LAPTM5: variants seen among roughly 807,000 people sequenced by gnomAD.
LAPTM5 encodes lysosomal-associated transmembrane protein 5.
In LAPTM5, 11 loss-of-function variants were observed where a neutral mutation model predicts 30.1. The ratio of observed to expected loss-of-function variants is 0.37; its 90% CI spans 0.23 to 0.60. LAPTM5 has a LOEUF of 0.60. Ranked by LOEUF, LAPTM5 falls within the 20% of genes least tolerant of loss-of-function variation. LAPTM5 has a pLI of 0.71. For missense variants in LAPTM5, 324 were observed against 332.5 expected, an observed-to-expected ratio of 0.97 and a Z score of 0.20; for synonymous variants, 151 against 137.9, an observed-to-expected ratio of 1.10 and a Z score of -0.67.
At chr1:30,744,252 G>C (rs1640013062) in intron 1 of LAPTM5, among the ~76,000 whole-genome samples, 1 of 152,134 alleles carries the variant, frequency 6.6e-6, no homozygotes, top group African/African-American at 2.4e-5. Flanking sequence ...CAGGTGTGGT[G>C]AGGGCTGTGG....
At chr1:30,743,377 G>A (rs1420058872) in intron 1 of LAPTM5, among the ~76,000 whole-genome samples, 1 of 152,220 alleles carries the variant, frequency 6.6e-6, no homozygotes, top group Non-Finnish European at 1.5e-5. Flanking sequence ...TGATGTGGAA[G>A]GGGCGAATCT....
In LAPTM5 at chr1:30,745,164, A is replaced by G. The variant is rs116468789; in HGVS notation, c.88-2615T>C. ...CATTTGTACAGCCTAACTCCATGCCACATGATCTTCCCCACTACCCAGAAA... is the reference window on the plus strand; with the variant it reads ...CATTTGTACAGCCTAACTCCATGCCGCATGATCTTCCCCACTACCCAGAAA... On this transcript the variant is annotated intron_variant, in intron 1 of 7. Coordinates refer to ENST00000294507, the MANE Select transcript of LAPTM5 (RefSeq NM_006762.3). 6.7e-3 allele frequency among the ~76,000 whole-genome samples: 1,018 copies of G among 152,266 alleles called. 6 individuals are homozygous for G. The highest frequency in any genetic ancestry group is 0.021 in the African/African-American group (890 of 41,542).
At position 30,757,768 on chromosome 1, in the gene LAPTM5, A is replaced by G; in HGVS notation, c.-23T>C. On this transcript the variant is annotated 5_prime_UTR_variant, in exon 1 of 8. Transcript: ENST00000294507. ...CATGGTGCTGCCGTCCCCTCCTCTGAGACACTGAAGGGGAAAGAGCCTGGT... is the reference window on the plus strand; with the variant it reads ...CATGGTGCTGCCGTCCCCTCCTCTGGGACACTGAAGGGGAAAGAGCCTGGT... 1 of 1,608,330 alleles carries G rather than the reference A, an allele frequency of 6.2e-7. No homozygotes were observed. The highest frequency in any genetic ancestry group is 8.5e-7 in the Non-Finnish European group (1 of 1,176,690).
chr1:30,748,961 T>C (rs1298928714), intron 1 of LAPTM5, among the ~76,000 whole-genome samples: 1 of 152,086 alleles, frequency 6.6e-6, no homozygotes. Flanking sequence ...GGAGTGGGTG[T>C]GAGAAGTAAA....
At position 30,735,285 on chromosome 1, in the gene LAPTM5, A is replaced by G; in HGVS notation, c.607-20T>C. On this transcript the variant is annotated intron_variant, in intron 6 of 7. Coordinates refer to ENST00000294507, the MANE Select transcript of LAPTM5 (RefSeq NM_006762.3). ...GTAGACCTGGAAAAAGGCCCAGGTC[A>G]GGCTGTGCTTTGCTGAGCGTCCTTC... is the stretch of plus-strand genomic sequence containing the variant. 1 of 1,608,012 alleles carries G rather than the reference A, an allele frequency of 6.2e-7. No homozygotes were observed.
At chr1:30,750,289 T>C (rs1640114766) in intron 1 of LAPTM5, among the ~76,000 whole-genome samples, 1 of 152,182 alleles carries the variant, frequency 6.6e-6, no homozygotes, top group South Asian at 2.1e-4. Flanking sequence ...AAACCATCAC[T>C]TCTCCCTTTA....
At chr1:30,738,373 C>A (rs1175091449) in intron 5 of LAPTM5, among the ~76,000 whole-genome samples, 1 of 152,184 alleles carries the variant, frequency 6.6e-6, no homozygotes, top group Non-Finnish European at 1.5e-5. Context: ...AGCACTACTA[C>A]AAGTCCACAG....
chr1:30,752,533 A>C (rs548115833), intron 1 of LAPTM5, among the ~76,000 whole-genome samples: 53 of 152,174 alleles, frequency 3.5e-4, no homozygotes, highest in African/African-American at 1.3e-3. Context: ...CCTCTTTTCC[A>C]AGGTGCCCAA....
intron 1 of LAPTM5, among the ~76,000 whole-genome samples, chr1:30,744,845 G>GCAC (rs1259574812): frequency 1.1e-4 from 16 of 152,038 alleles, no homozygotes; most frequent in African/African-American, 3.9e-4. Context: ...AAAACCTTTT[G>GCAC]CACACACGCC....
chr1:30,741,596 A>G, intron 3 of LAPTM5, 44 bp downstream of exon 3: 1 of 1,474,328 alleles, frequency 6.8e-7, no homozygotes, highest in Non-Finnish European at 9.2e-7. Flanking sequence ...GTGGGTGTGA[A>G]TAACAGGAAG....
chr1:30,735,088 C>T, intron 7 of LAPTM5, 85 bp downstream of exon 7: 1 of 892,060 alleles, frequency 1.1e-6, no homozygotes, highest in South Asian at 1.4e-5. Context: ...ATAGAGAAAC[C>T]AAGGTCCAGA....
At chr1:30,747,704 G>A (rs1259800034) in intron 1 of LAPTM5, among the ~76,000 whole-genome samples, 1 of 152,166 alleles carries the variant, frequency 6.6e-6, no homozygotes, top group African/African-American at 2.4e-5. Flanking sequence ...CTGGAGGATG[G>A]AAATCAGGGA....
intron 5 of LAPTM5, 137 bp from the exon 6 acceptor site, chr1:30,737,836 G>A (rs969760230): frequency 6.4e-5 from 37 of 581,788 alleles, no homozygotes; most frequent in Admixed American, 1.8e-4. Context: ...TTGGTCGACC[G>A]CCACAGCAGC....
intron 1 of LAPTM5, among the ~76,000 whole-genome samples, chr1:30,753,293 C>A (rs541621360): frequency 1.3e-5 from 2 of 152,072 alleles, no homozygotes. Flanking sequence ...GGAGGTGGGG[C>A]GGAACTCCCC....
intron 5 of LAPTM5, 52 bp from the exon 6 acceptor site, chr1:30,737,751 A>G (rs1639908895): frequency 8.8e-7 from 1 of 1,140,498 alleles, no homozygotes; most frequent in Non-Finnish European, 1.3e-6. Context: ...AGGAATTCCA[A>G]CAGCACCCAC....
chr1:30,741,224 A>C lies in LAPTM5; in HGVS notation c.258+416T>G, dbSNP rs369379575. ...TCACTGCATGGATAGAGCTGCATGC[A>C]TCCTACTTTCCCCCTTCTTCGGCTC... is the stretch of plus-strand genomic sequence containing the variant. On this transcript the variant is annotated intron_variant, in intron 3 of 7. Coordinates refer to ENST00000294507, the MANE Select transcript of LAPTM5 (RefSeq NM_006762.3). 3.3e-5 allele frequency among the ~76,000 whole-genome samples: 5 copies of C among 152,236 alleles called. No individual in the cohort carries two copies. The South Asian group carries it at 1.0e-3, about 32-fold the overall frequency.
At chr1:30,737,545 C>G in intron 6 of LAPTM5, 59 bp downstream of exon 6, 1 of 1,298,856 alleles carries the variant, frequency 7.7e-7, no homozygotes, top group Middle Eastern at 1.9e-4. Context: ...CATGGGCAGG[C>G]CTGGGCCCAG....
intron 6 of LAPTM5, among the ~76,000 whole-genome samples, chr1:30,737,267 CAG>C (rs1447706060): frequency 3.9e-5 from 6 of 152,190 alleles, no homozygotes; most frequent in African/African-American, 1.4e-4. Flanking sequence ...CCCTGAGGCC[CAG>C]AGAGAAGTGA....
chr1:30,747,826 T>C (rs1640070296), intron 1 of LAPTM5, among the ~76,000 whole-genome samples: 1 of 152,084 alleles, frequency 6.6e-6, no homozygotes, highest in South Asian at 2.1e-4. Context: ...GCACTGGCCA[T>C]GGTGACCATG....
Sources: gnomAD v4.1 joint callset for allele counts (sites outside exome capture counted in the v4.1 genomes callset) on GRCh38, gnomAD v4.1.1 for gene constraint, MANE v1.5 for transcripts, NCBI Gene and HGNC (gene_info 2026-07-23, HGNC 2026-07-21) for gene names.